The following ROBO1 variants were observed in gnomAD, a reference collection of about 807,000 sequenced individuals.
ROBO1 encodes the protein roundabout homolog 1.
Under a neutral mutation model 195.9 loss-of-function variants are expected in ROBO1, and 149 were observed. That is an observed-to-expected ratio of 0.76 (90% CI 0.67 to 0.87). The LOEUF is 0.87. Among genes scored for constraint, ROBO1 ranks in the 40% least tolerant of loss-of-function variants. The pLI is 0.00. For synonymous variants in ROBO1, 816 were observed against 733.2 expected (o/e 1.11, Z -1.82); for missense variants, 1,933 against 2,068.3 (o/e 0.93, Z 1.27).
rs1200780060 is a variant in ROBO1, at chr3:78,860,302, C to CTATA, written c.499+78295_499+78298dup. On this transcript the variant is annotated intron_variant, in intron 4 of 30. Transcript: ENST00000464233. The stretch of plus-strand genomic sequence containing the variant: ...AATTTGAGAGGAAAATTGAAATATA[C>CTATA]TATATATATATATATATATATATAT... Among the ~76,000 whole-genome samples the CTATA allele has an allele frequency of 1.8e-3, 192 of 104,712 alleles. 2 individuals are homozygous for CTATA. The highest frequency in any genetic ancestry group is 0.013 in the Middle Eastern group (2 of 150). The allele number at this position is 104,712 out of a possible 152,430, so 68.7% of individuals were successfully genotyped here. A position where few individuals can be genotyped will look rare whatever the true frequency, so the allele number is the denominator to read the frequency against.
At chr3:79,558,275 G>A (rs1028510528) in intron 2 of ROBO1, among the ~76,000 whole-genome samples, 6 of 151,688 alleles carry the variant, frequency 4.0e-5, no homozygotes, top group African/African-American at 9.7e-5. Flanking sequence ...TTCTTCTTCC[G>A]CTTCAGTCTA....
intron 4 of ROBO1, among the ~76,000 whole-genome samples, chr3:78,872,595 T>C (rs895339251): frequency 1.3e-5 from 2 of 152,166 alleles, no homozygotes; most frequent in African/African-American, 4.8e-5. Flanking sequence ...ACCCTAACAT[T>C]GTATCAAACA....
chr3:79,541,933 G>T (rs1942087500), intron 2 of ROBO1, among the ~76,000 whole-genome samples: 1 of 151,018 alleles, frequency 6.6e-6, no homozygotes, highest in Non-Finnish European at 1.5e-5. Context: ...TATATATATA[G>T]TAAATATATA....
At position 78,783,953 on chromosome 3, in the gene ROBO1, T is replaced by C. The variant is rs1231881433; in HGVS notation, c.500-37053A>G. ...ACTTGAGAAATATAAAACATTATTG[T>C]GGCTCTATGAAATATTAAGTGGCTT... On this transcript the variant is annotated intron_variant, in intron 4 of 30. Transcript: ENST00000464233. 2.0e-5 allele frequency among the ~76,000 whole-genome samples: 3 copies of C among 152,178 alleles called. No individual in the cohort carries two copies. The East Asian group carries it at 5.8e-4, about 29-fold the overall frequency.
intron 16 of ROBO1, 192 bp downstream of exon 16, chr3:78,660,838 C>T: frequency 2.0e-6 from 1 of 500,542 alleles, no homozygotes; most frequent in Non-Finnish European, 3.5e-6. Flanking sequence ...ACTATTGAAG[C>T]AAGTCAACTA....
intron 2 of ROBO1, among the ~76,000 whole-genome samples, chr3:79,459,172 T>A (rs1371404283): frequency 6.6e-6 from 1 of 151,472 alleles, no homozygotes; most frequent in African/African-American, 2.4e-5. Context: ...ACAATAAACA[T>A]GTTCCTATGT....
chr3:78,611,707 C>G (rs896070247), intron 28 of ROBO1, among the ~76,000 whole-genome samples: 3 of 152,160 alleles, frequency 2.0e-5, no homozygotes, highest in African/African-American at 7.2e-5. Context: ...AGTCCTAACC[C>G]CCAGTACCTC....
intron 1 of ROBO1, among the ~76,000 whole-genome samples, chr3:79,671,498 A>C (rs1343442123): frequency 6.6e-6 from 1 of 151,916 alleles, no homozygotes; most frequent in Non-Finnish European, 1.5e-5. Context: ...TCAACAGTAC[A>C]TTCTTGGAAA....
chr3:79,517,513 A>G (rs6548627), intron 2 of ROBO1, among the ~76,000 whole-genome samples: 110,825 of 152,058 alleles, frequency 0.73, 41,514 homozygotes, highest in African/African-American at 0.92. Context: ...TTTATTCTTG[A>G]TTCTTTTCTT....
At chr3:78,872,032 T>C (rs2035583412) in intron 4 of ROBO1, among the ~76,000 whole-genome samples, 1 of 152,226 alleles carries the variant, frequency 6.6e-6, no homozygotes, top group Non-Finnish European at 1.5e-5. Flanking sequence ...ATCGACAATA[T>C]GAGACTTTAG....
At chr3:78,680,401 C>T (rs1266366214) in intron 10 of ROBO1, among the ~76,000 whole-genome samples, 1 of 151,992 alleles carries the variant, frequency 6.6e-6, no homozygotes, top group Non-Finnish European at 1.5e-5. Context: ...AGGCAACCTA[C>T]AAAATGGGAG....
intron 2 of ROBO1, among the ~76,000 whole-genome samples, chr3:79,209,199 A>G (rs1447285386): frequency 5.9e-5 from 9 of 152,068 alleles, no homozygotes; most frequent in Non-Finnish European, 1.3e-4. Context: ...AGTCCAATAT[A>G]TCCACATAGC....
intron 4 of ROBO1, among the ~76,000 whole-genome samples, chr3:78,856,390 C>T (rs915255196): frequency 2.6e-5 from 4 of 151,368 alleles, no homozygotes; most frequent in Admixed American, 1.3e-4. Context: ...AGACTATAGA[C>T]GCTATCTGAA....
intron 2 of ROBO1, among the ~76,000 whole-genome samples, chr3:79,498,320 T>C (rs1254940507): frequency 2.0e-5 from 3 of 152,204 alleles, no homozygotes; most frequent in Admixed American, 6.5e-5. Context: ...GAATGCATGA[T>C]ATTGTACAAA....
chr3:78,664,560 A>G (rs552012119), intron 14 of ROBO1, among the ~76,000 whole-genome samples: 10 of 152,292 alleles, frequency 6.6e-5, no homozygotes, highest in African/African-American at 2.4e-4. Context: ...CACTTTGATT[A>G]CCACATAACA....
intron 3 of ROBO1, among the ~76,000 whole-genome samples, chr3:79,044,414 C>T (rs1456733435): frequency 6.6e-6 from 1 of 152,040 alleles, no homozygotes; most frequent in Admixed American, 6.6e-5. Context: ...AATTTAATAG[C>T]CAATGATAAA....
chr3:79,087,360 T>C (rs2079389724), intron 3 of ROBO1, among the ~76,000 whole-genome samples: 1 of 152,114 alleles, frequency 6.6e-6, no homozygotes, highest in Non-Finnish European at 1.5e-5. Context: ...TATTTCAAAA[T>C]TGTTAAAATT....
chr3:79,326,592 T>C (rs2034223504), intron 2 of ROBO1, among the ~76,000 whole-genome samples: 1 of 152,164 alleles, frequency 6.6e-6, no homozygotes, highest in African/African-American at 2.4e-5. Flanking sequence ...AAGGGATATG[T>C]GAGAGAACCT....
At chr3:78,616,751 A>G (rs1704136990) in intron 27 of ROBO1, among the ~76,000 whole-genome samples, 1 of 152,186 alleles carries the variant, frequency 6.6e-6, no homozygotes, top group South Asian at 2.1e-4. Context: ...TCAAAAATAT[A>G]AACACACAAA....
Sources: allele counts gnomAD v4.1 joint callset (sites outside exome capture counted in the v4.1 genomes callset), GRCh38; gene constraint gnomAD v4.1.1; transcripts MANE v1.5; gene names NCBI Gene and HGNC (gene_info 2026-07-23, HGNC 2026-07-21).